APBA2: variants seen among roughly 807,000 people sequenced by gnomAD.
The protein encoded by APBA2 is amyloid-beta A4 precursor protein-binding family A member 2.
Under a neutral mutation model 75.0 loss-of-function variants are expected in APBA2, and 30 were observed. That is an observed-to-expected ratio of 0.40 (90% confidence interval 0.30 to 0.54). The LOEUF is 0.54. Among genes scored for constraint, APBA2 ranks in the 20% least tolerant of loss-of-function variants. APBA2 has a pLI of 0.49. For synonymous variants in APBA2, 444 were observed against 409.6 expected (o/e 1.08, Z -1.01); for missense variants, 801 against 1,016.1 (o/e 0.79, Z 2.88).
intron 1 of APBA2, among the ~76,000 whole-genome samples, chr15:28,919,209 G>A (rs780718716): frequency 9.2e-5 from 14 of 152,106 alleles, no homozygotes; most frequent in Non-Finnish European, 1.8e-4. Context: ...ACTTCCTTGC[G>A]AACCTTTTAC....
At chr15:28,967,924 C>G (rs1339013862) in intron 2 of APBA2, among the ~76,000 whole-genome samples, 2 of 152,166 alleles carry the variant, frequency 1.3e-5, no homozygotes, top group African/African-American at 2.4e-5. Context: ...AATTTAACCT[C>G]TGCACTCATT....
intron 2 of APBA2, among the ~76,000 whole-genome samples, chr15:28,986,080 A>T (rs539098629): frequency 1.3e-4 from 20 of 152,264 alleles, no homozygotes; most frequent in African/African-American, 4.8e-4. Context: ...TAATGCAGTA[A>T]ATCCTTCTGC....
In APBA2 at chr15:29,101,773, G is replaced by C; in HGVS notation, c.1513G>C (p.Glu505Gln). 1.2e-6 allele frequency: 2 copies of C among 1,613,320 alleles called. No individual in the cohort carries two copies. The highest frequency in any genetic ancestry group is 1.7e-6 in the Non-Finnish European group (2 of 1,179,886). ...GTATAAGATGATCTGCCATGTGTTC[G>C]AGTCGGAGGATGTAAGTAAGCCCTT... is the stretch of plus-strand genomic sequence containing the variant. ...KQYKMICHVF[E>Q]SEDAQLIAQS... is the part of the protein sequence containing the mutation. The change falls in exon 10 of 15, where the codon GAG becomes CAG. Residue 505 changes from glutamate to glutamine, a missense_variant. By Grantham distance (29) the Glu-to-Gln change is conservative. Coordinates refer to ENST00000683413, the MANE Select transcript of APBA2 (RefSeq NM_001353788.2).
intron 1 of APBA2, among the ~76,000 whole-genome samples, chr15:28,917,626 T>G (rs2033745680): frequency 6.6e-6 from 1 of 152,168 alleles, no homozygotes. Flanking sequence ...TACATTGGTG[T>G]GGTACATTCG....
At position 29,076,104 on chromosome 15, in the gene APBA2, G is replaced by A; in HGVS notation, c.1069+13G>A. 1 of 1,613,756 alleles carries A rather than the reference G, an allele frequency of 6.2e-7. No individual in the cohort carries two copies. Among genetic ancestry groups the A allele is most frequent in the Non-Finnish European group, 8.5e-7 (1 of 1,179,672 alleles). ...AGTTTTGTGGCTGGTAAGTGACTTTGAATTTTATTTCTCAAGGGGCAGTTG... is the reference window on the plus strand; with the variant it reads ...AGTTTTGTGGCTGGTAAGTGACTTTAAATTTTATTTCTCAAGGGGCAGTTG... On this transcript the variant is annotated intron_variant, in intron 6 of 14. Transcript: ENST00000683413.
At chr15:29,108,022 AG>A (rs1467238244) in intron 12 of APBA2, among the ~76,000 whole-genome samples, 1 of 152,112 alleles carries the variant, frequency 6.6e-6, no homozygotes, top group Non-Finnish European at 1.5e-5. Flanking sequence ...CCCAGGGCAG[AG>A]GCACCCTGCG....
At chr15:29,105,213 G>A (rs2044332876) in intron 10 of APBA2, among the ~76,000 whole-genome samples, 166 bp from the exon 11 acceptor site, 1 of 152,200 alleles carries the variant, frequency 6.6e-6, no homozygotes, top group African/African-American at 2.4e-5. Context: ...TTCATCAGAT[G>A]AGGGAGGGCC....
chr15:29,012,972 C>A (rs998886557), intron 3 of APBA2, among the ~76,000 whole-genome samples: 2 of 152,122 alleles, frequency 1.3e-5, no homozygotes, highest in African/African-American at 4.8e-5. Flanking sequence ...TAATTATCTA[C>A]TTGTCATGAT....
Position 29,101,773 on chromosome 15 carries a change from G to A in APBA2, c.1513G>A (p.Glu505Lys). The A allele has an allele frequency of 1.2e-6, 2 of 1,613,320 alleles. No individual in the cohort carries two copies. Among genetic ancestry groups the A allele is most frequent in the Non-Finnish European group, 1.7e-6 (2 of 1,179,886 alleles). ...KQYKMICHVF[E>K]SEDAQLIAQS... ...GTATAAGATGATCTGCCATGTGTTC[G>A]AGTCGGAGGATGTAAGTAAGCCCTT... The change falls in exon 10 of 15, where the codon GAG becomes AAG. Residue 505 changes from glutamate (E) to lysine (K), a missense_variant. Coordinates refer to ENST00000683413, the MANE Select transcript of APBA2 (RefSeq NM_001353788.2).
intron 13 of APBA2, among the ~76,000 whole-genome samples, chr15:29,112,483 A>G (rs1567031068): frequency 6.6e-6 from 1 of 152,264 alleles, no homozygotes; most frequent in East Asian, 1.9e-4. Context: ...TGTTTGGGAC[A>G]GGTGAGTCTG....
chr15:29,053,639 C>T (rs2041717006), intron 3 of APBA2, among the ~76,000 whole-genome samples: 1 of 152,002 alleles, frequency 6.6e-6, no homozygotes, highest in South Asian at 2.1e-4. Flanking sequence ...TTTCCCGGAG[C>T]TCTGTGTGCC....
chr15:28,943,483 G>T (rs1275730405), intron 2 of APBA2, among the ~76,000 whole-genome samples: 3 of 152,218 alleles, frequency 2.0e-5, no homozygotes, highest in Non-Finnish European at 4.4e-5. Flanking sequence ...GCTACCACAA[G>T]CCCTTTCTGG....
At chr15:28,965,523 T>A (rs1189659922) in intron 2 of APBA2, among the ~76,000 whole-genome samples, 1 of 152,230 alleles carries the variant, frequency 6.6e-6, no homozygotes, top group Non-Finnish European at 1.5e-5. Flanking sequence ...CTTACAAAGT[T>A]TGACAGGACT....
chr15:29,047,236 G>A lies in APBA2; in HGVS notation c.-40-6609G>A, dbSNP rs921614446. 3.3e-5 allele frequency among the ~76,000 whole-genome samples: 5 copies of A among 152,198 alleles called. No homozygotes were observed. In the South Asian group the frequency reaches 6.2e-4, roughly 19 times the overall value. ...GTAATTCTGTGGAGTCTTTGAAGAC[G>A]TGGCTGCCTTCTGGGTAGCTGCTGT... On this transcript the variant is annotated intron_variant, in intron 3 of 14. Transcript: ENST00000683413.
intron 4 of APBA2, among the ~76,000 whole-genome samples, chr15:29,061,732 G>C (rs2042137929): frequency 2.0e-5 from 3 of 152,220 alleles, no homozygotes; most frequent in Admixed American, 1.3e-4. Flanking sequence ...AGGGAGAGAA[G>C]GTGCTAAAAG....
At chr15:29,070,235 A>G (rs2042559485) in intron 4 of APBA2, among the ~76,000 whole-genome samples, 1 of 152,228 alleles carries the variant, frequency 6.6e-6, no homozygotes, top group Admixed American at 6.5e-5. Flanking sequence ...AGTATATTTT[A>G]TTGTATGTGT....
At position 29,056,805 on chromosome 15, in the gene APBA2, C is replaced by T. The variant is rs141688520; in HGVS notation, c.951+1970C>T. ...TGAAGACTCTACCAGGCCCGCTGCA[C>T]GTGGGCAGGGTCTCCACATTCTTAG... On this transcript the variant is annotated intron_variant, in intron 4 of 14. Transcript: ENST00000683413. 3.8e-4 allele frequency among the ~76,000 whole-genome samples: 57 copies of T among 151,892 alleles called. 1 individual carries two copies. In the East Asian group the frequency reaches 0.011, roughly 28 times the overall value.
chr15:28,940,349 A>G (rs1201178690), intron 2 of APBA2, among the ~76,000 whole-genome samples: 2 of 117,982 alleles, frequency 1.7e-5, no homozygotes, highest in African/African-American at 4.3e-5. Flanking sequence ...CGTCTCTACT[A>G]AAAATACAAA....
intron 2 of APBA2, among the ~76,000 whole-genome samples, chr15:28,924,859 G>A (rs8030727): frequency 0.33 from 49,544 of 151,920 alleles, 13,707 homozygotes; most frequent in African/African-American, 0.74. Context: ...CAGCTGCACC[G>A]TTTTACATTC....
Sources: allele counts gnomAD v4.1 joint callset (sites outside exome capture counted in the v4.1 genomes callset), GRCh38; gene constraint gnomAD v4.1.1; transcripts MANE v1.5; gene names NCBI Gene and HGNC (gene_info 2026-07-23, HGNC 2026-07-21).